Variants in WWC2 observed in about 807,000 individuals in gnomAD.
WWC2 encodes protein WWC2.
Under a neutral mutation model 138.5 loss-of-function variants are expected in WWC2, and 101 were observed. The ratio of observed to expected loss-of-function variants is 0.73; its 90% confidence interval spans 0.62 to 0.86. The LOEUF (loss-of-function observed/expected upper bound fraction) is 0.86. WWC2 is among the 40% of genes least tolerant of loss of function. WWC2 has a pLI of 0.00. For missense variants in WWC2, 1,420 were observed against 1,419.4 expected, an observed-to-expected ratio of 1.00 and a Z score of -0.01; for synonymous variants, 558 against 538.4, an observed-to-expected ratio of 1.04 and a Z score of -0.50.
chr4:183,273,538 A>G (rs1274213204), intron 16 of WWC2, among the ~76,000 whole-genome samples: 2 of 152,152 alleles, frequency 1.3e-5, no homozygotes, highest in Non-Finnish European at 2.9e-5. Context: ...TCCCGACCTC[A>G]GGTGATCTGC....
intron 1 of WWC2, among the ~76,000 whole-genome samples, chr4:183,183,766 G>T (rs1734712142): frequency 6.6e-6 from 1 of 151,982 alleles, no homozygotes; most frequent in African/African-American, 2.4e-5. Flanking sequence ...CTGGATGTCA[G>T]AGTGAGACCC....
intron 18 of WWC2, among the ~76,000 whole-genome samples, chr4:183,283,508 G>A (rs566265599): frequency 9.2e-5 from 14 of 152,314 alleles, no homozygotes; most frequent in African/African-American, 2.9e-4. Flanking sequence ...TTGTATTCCT[G>A]AGAAAATAAT....
chr4:183,107,360 C>A (rs1197309039), intron 1 of WWC2, among the ~76,000 whole-genome samples: 1 of 152,138 alleles, frequency 6.6e-6, no homozygotes, highest in Non-Finnish European at 1.5e-5. Flanking sequence ...CGGGGTTGGG[C>A]CGGTCTCGAA....
intron 1 of WWC2, among the ~76,000 whole-genome samples, chr4:183,151,536 T>C (rs1046512749): frequency 1.3e-5 from 2 of 152,234 alleles, no homozygotes; most frequent in Non-Finnish European, 2.9e-5. Flanking sequence ...AGAAGCTCTT[T>C]AGTTTAGTTA....
Position 183,318,069 on chromosome 4 carries a change from G to A in WWC2, c.*2340G>A, listed in dbSNP as rs2111136221. 1 of 151,844 alleles carries A rather than the reference G, an allele frequency of 6.6e-6. No homozygotes were observed. The highest frequency in any genetic ancestry group is 2.1e-4 in the South Asian group (1 of 4,772). 9.4% of individuals were successfully genotyped at this position (151,844 alleles called of 1,614,324 possible). A position where few individuals can be genotyped will look rare whatever the true frequency, so the allele number is the denominator to read the frequency against. Reference sequence around the variant, plus strand: ...TAATAACTTGATCACAAAACCATATGGACAAATATGAATTTTAATATTATA... The same window carrying A: ...TAATAACTTGATCACAAAACCATATAGACAAATATGAATTTTAATATTATA... On this transcript the variant is annotated 3_prime_UTR_variant, in exon 23 of 23. Coordinates refer to ENST00000403733, the MANE Select transcript of WWC2 (RefSeq NM_024949.6).
rs752346459 is a variant in WWC2 at position 183,271,136 on chromosome 4, A to G, written c.2457A>G (p.Leu819=). 120 of 1,612,624 alleles carry G rather than the reference A, an allele frequency of 7.4e-5. No individual in the cohort carries two copies. The highest frequency in any genetic ancestry group is 8.6e-5 in the Non-Finnish European group (102 of 1,179,330). ...DLPFSSEVFT[L]WYNLLPSKQM... Reference sequence around the variant, plus strand: ...CATTTTCCAGTGAGGTTTTCACTCTATGGTATAACTTGCTTCCTTCCAAGC... The same window carrying G: ...CATTTTCCAGTGAGGTTTTCACTCTGTGGTATAACTTGCTTCCTTCCAAGC... The change falls in exon 16 of 23, where the codon CTA becomes CTG. Residue 819 remains leucine (L), a synonymous_variant. Transcript: ENST00000403733.
chr4:183,136,739 T>G (rs1733127068), intron 1 of WWC2, among the ~76,000 whole-genome samples: 1 of 152,194 alleles, frequency 6.6e-6, no homozygotes, highest in African/African-American at 2.4e-5. Flanking sequence ...TTGCAAAATT[T>G]TTTTAAAGCT....
At chr4:183,150,113 G>A (rs1733597994) in intron 1 of WWC2, among the ~76,000 whole-genome samples, 1 of 152,146 alleles carries the variant, frequency 6.6e-6, no homozygotes. Flanking sequence ...GGTTGGACAG[G>A]GAGTGAGAGG....
At chr4:183,270,910 AT>A (rs1212476496) in intron 15 of WWC2, among the ~76,000 whole-genome samples, 169 bp from the exon 16 acceptor site, 2 of 152,162 alleles carry the variant, frequency 1.3e-5, no homozygotes, top group African/African-American at 4.8e-5. Flanking sequence ...AATATAACAT[AT>A]CCCCATGTTT....
chr4:183,240,740 G>A (rs1736590023), intron 5 of WWC2: 1 of 152,436 alleles, frequency 6.6e-6, no homozygotes, highest in Admixed American at 6.5e-5. Context: ...CTGACAGATG[G>A]CAGGGGAGCA....
intron 9 of WWC2, among the ~76,000 whole-genome samples, chr4:183,258,424 C>A (rs940625507): frequency 1.3e-5 from 2 of 152,104 alleles, no homozygotes; most frequent in South Asian, 2.1e-4. Context: ...GTTGACACAT[C>A]AAAGGGATAG....
chr4:183,269,591 G>T, intron 15 of WWC2: 1 of 451,334 alleles, frequency 2.2e-6, no homozygotes, highest in South Asian at 1.6e-5. Context: ...CAGATAAGGA[G>T]CTGCTTAGAG....
intron 1 of WWC2, among the ~76,000 whole-genome samples, chr4:183,111,544 A>G (rs1321775657): frequency 6.6e-6 from 1 of 152,074 alleles, no homozygotes; most frequent in Non-Finnish European, 1.5e-5. Context: ...TCTGCTTTGT[A>G]CATAGTATCA....
chr4:183,218,658 G>C (rs1258651542), intron 4 of WWC2, among the ~76,000 whole-genome samples: 1 of 152,214 alleles, frequency 6.6e-6, no homozygotes, highest in East Asian at 1.9e-4. Flanking sequence ...CAGCAGCCTG[G>C]AGACCCAGGA....
intron 1 of WWC2, among the ~76,000 whole-genome samples, chr4:183,132,856 C>T (rs1029066191): frequency 1.3e-5 from 2 of 152,098 alleles, no homozygotes; most frequent in Non-Finnish European, 2.9e-5. Context: ...GCCAACTTTA[C>T]ATTCTTGGAA....
chr4:183,218,693 G>A (rs576828642), intron 4 of WWC2, among the ~76,000 whole-genome samples: 20 of 152,268 alleles, frequency 1.3e-4, no homozygotes, highest in African/African-American at 4.6e-4. Context: ...GATGAAGTCT[G>A]AAGGCTGGCA....
chr4:183,116,021 G>A (rs1732397829), intron 1 of WWC2, among the ~76,000 whole-genome samples: 1 of 152,078 alleles, frequency 6.6e-6, no homozygotes, highest in African/African-American at 2.4e-5. Context: ...TTTGTATATG[G>A]TGTAGGAAGG....
chr4:183,240,327 A>G (rs1245272768), intron 5 of WWC2, 65 bp downstream of exon 5: 2 of 1,282,848 alleles, frequency 1.6e-6, no homozygotes, highest in Non-Finnish European at 2.1e-6. Flanking sequence ...TACAAAGAAA[A>G]TAGAAGTACA....
intron 1 of WWC2, among the ~76,000 whole-genome samples, chr4:183,155,204 G>GAC: frequency 1.1e-5 from 1 of 92,238 alleles, no homozygotes; most frequent in Non-Finnish European, 2.4e-5. Flanking sequence ...GAGAGAGAGA[G>GAC]AGAGAGAGAG....
Sources: allele counts gnomAD v4.1 joint callset (sites outside exome capture counted in the v4.1 genomes callset), GRCh38; gene constraint gnomAD v4.1.1; transcripts MANE v1.5; gene names NCBI Gene and HGNC (gene_info 2026-07-23, HGNC 2026-07-21).